The following ADAM29 variants were observed in gnomAD, a reference collection of about 807,000 sequenced individuals.
ADAM29 encodes the protein disintegrin and metalloproteinase domain-containing protein 29.
For synonymous variants in ADAM29, 367 were observed against 342.3 expected (o/e 1.07, Z -0.80); for missense variants, 969 against 1,001.8 (o/e 0.97, Z 0.44).
intron 4 of ADAM29, among the ~76,000 whole-genome samples, chr4:174,951,838 C>T (rs753907530): frequency 1.2e-4 from 18 of 152,100 alleles, no homozygotes; most frequent in African/African-American, 3.9e-4. Context: ...AGTCTTTCTT[C>T]ATTTCATCCC....
rs527246514 is a variant in ADAM29, at chr4:174,938,407, A to G, written c.-181+1394A>G. Among the ~76,000 whole-genome samples the G allele has an allele frequency of 1.2e-3, 187 of 152,206 alleles. 1 individual carries two copies. Among genetic ancestry groups the G allele is most frequent in the Non-Finnish European group, 1.0e-4 (7 of 67,982 alleles). Reference sequence around the variant, plus strand: ...TATTAGAGAAGTAGATGAGCAATTGAGAAGACTTGAGAGTGAAGGGATGCA... The same window carrying G: ...TATTAGAGAAGTAGATGAGCAATTGGGAAGACTTGAGAGTGAAGGGATGCA... On this transcript the variant is annotated intron_variant, in intron 4 of 4. Coordinates refer to ENST00000359240, the MANE Select transcript of ADAM29 (RefSeq NM_014269.4).
At chr4:174,935,120 A>G (rs1323846836) in intron 3 of ADAM29, among the ~76,000 whole-genome samples, 1 of 152,114 alleles carries the variant, frequency 6.6e-6, no homozygotes, top group East Asian at 1.9e-4. Context: ...TTTTACCGAA[A>G]TACCCTAGTT....
intron 4 of ADAM29, among the ~76,000 whole-genome samples, chr4:174,972,647 C>T (rs1746537218): frequency 6.6e-6 from 1 of 152,126 alleles, no homozygotes; most frequent in Non-Finnish European, 1.5e-5. Context: ...TTTCTGCTTG[C>T]TCTGTGCTGA....
In ADAM29 at chr4:174,977,300, G is replaced by T; in HGVS notation, c.1775G>T (p.Gly592Val). The T allele has an allele frequency of 6.2e-7, 1 of 1,613,770 alleles. No individual in the cohort carries two copies. The highest frequency in any genetic ancestry group is 8.5e-7 in the Non-Finnish European group (1 of 1,180,004). Residue 592 changes from glycine (G) to valine (V), a missense_variant, in exon 5 of 5, where the codon GGA becomes GTA. Transcript: ENST00000359240. ...WSTDYHLGMKGPDIGEVKDGT... is the reference protein window; with the variant it reads ...WSTDYHLGMKVPDIGEVKDGT... ...ACTGATTACCATTTGGGGATGAAGGGACCTGATATTGGTGAAGTGAAAGAT... is the reference window on the plus strand; with the variant it reads ...ACTGATTACCATTTGGGGATGAAGGTACCTGATATTGGTGAAGTGAAAGAT...
intron 2 of ADAM29, among the ~76,000 whole-genome samples, chr4:174,925,160 C>T (rs1202811388): frequency 6.6e-6 from 1 of 152,156 alleles, no homozygotes; most frequent in Non-Finnish European, 1.5e-5. Flanking sequence ...AAAGACATGA[C>T]TAATTGTGAT....
chr4:174,938,804 G>T (rs1250042645), intron 4 of ADAM29, among the ~76,000 whole-genome samples: 1 of 152,120 alleles, frequency 6.6e-6, no homozygotes, highest in East Asian at 1.9e-4. Flanking sequence ...CTCCCAAAAT[G>T]TTGGAGTTGA....
At chr4:174,942,770 A>G (rs1278033502) in intron 4 of ADAM29, among the ~76,000 whole-genome samples, 2 of 152,116 alleles carry the variant, frequency 1.3e-5, no homozygotes, top group African/African-American at 4.8e-5. Context: ...GCTTATGCAA[A>G]TTTCTGCAGT....
chr4:174,975,884 T>C lies in ADAM29; in HGVS notation c.359T>C (p.Phe120Ser), dbSNP rs1437668444. 6.2e-7 allele frequency: 1 copy of C among 1,613,610 alleles called. No homozygotes were observed. The highest frequency in any genetic ancestry group is 1.7e-5 in the Admixed American group (1 of 59,922). The change falls in exon 5 of 5, where the codon TTT (phenylalanine) becomes TCT (serine). Residue 120 changes from phenylalanine (F) to serine (S), a missense_variant. Phe to Ser is a radical substitution (Grantham distance 155). Coordinates refer to ENST00000359240, the MANE Select transcript of ADAM29 (RefSeq NM_014269.4). Reference sequence around the variant, plus strand: ...TCCCTGGTTTCCCTCAGTACCTGTTTTGGGGGTTTTCAAGGAATATTACAG... The same window carrying C: ...TCCCTGGTTTCCCTCAGTACCTGTTCTGGGGGTTTTCAAGGAATATTACAG... Reference protein sequence around the residue: ...PESLVSLSTCFGGFQGILQIN... With the variant: ...PESLVSLSTCSGGFQGILQIN...
chr4:174,945,640 T>A (rs1744803212), intron 4 of ADAM29, among the ~76,000 whole-genome samples: 1 of 152,186 alleles, frequency 6.6e-6, no homozygotes, highest in Admixed American at 6.5e-5. Flanking sequence ...TACATTTAAG[T>A]AATTAGTTTA....
intron 4 of ADAM29, among the ~76,000 whole-genome samples, chr4:174,962,417 C>G (rs535665174): frequency 1.3e-5 from 2 of 150,440 alleles, no homozygotes; most frequent in South Asian, 4.2e-4. Context: ...GAGGCTGAGG[C>G]AGGAGAATGG....
At chr4:174,921,056 A>G (rs1255170270) in intron 2 of ADAM29, among the ~76,000 whole-genome samples, 1 of 152,148 alleles carries the variant, frequency 6.6e-6, no homozygotes, top group Non-Finnish European at 1.5e-5. Context: ...AGAATATTAT[A>G]CTATGCCAGT....
intron 1 of ADAM29, among the ~76,000 whole-genome samples, chr4:174,919,561 G>C (rs1418469907): frequency 6.6e-6 from 1 of 152,110 alleles, no homozygotes. Context: ...TCTCTTCCAA[G>C]CTCATTAATG....
chr4:174,946,174 T>A (rs1331005004), intron 4 of ADAM29, among the ~76,000 whole-genome samples: 1 of 152,110 alleles, frequency 6.6e-6, no homozygotes, highest in East Asian at 1.9e-4. Flanking sequence ...CTTTCAGCAG[T>A]GTTATGTAAT....
intron 4 of ADAM29, among the ~76,000 whole-genome samples, chr4:174,952,322 G>A (rs375085324): frequency 6.7e-6 from 1 of 149,530 alleles, no homozygotes; most frequent in Admixed American, 6.7e-5. Flanking sequence ...CCTCATGAAG[G>A]TCAAAATTTA....
chr4:174,955,213 G>C (rs1184705451), intron 4 of ADAM29, among the ~76,000 whole-genome samples: 1 of 151,888 alleles, frequency 6.6e-6, no homozygotes, highest in Admixed American at 6.6e-5. Context: ...ACATATTTTT[G>C]AGCTGAATGT....
chr4:174,976,838 C>T lies in ADAM29; in HGVS notation c.1313C>T (p.Ala438Val), dbSNP rs373133451. ...ACTCTGACTGATGGTTCTACTTGTGCTTTTGGGCTTTGTTGCAAAGACTGC... is the reference window on the plus strand; with the variant it reads ...ACTCTGACTGATGGTTCTACTTGTGTTTTTGGGCTTTGTTGCAAAGACTGC... ...NCTLTDGSTC[A>V]FGLCCKDCKF... Residue 438 changes from alanine (A) to valine (V), a missense_variant, in exon 5 of 5, where the codon GCT (alanine) becomes GTT (valine). Coordinates refer to ENST00000359240, the MANE Select transcript of ADAM29 (RefSeq NM_014269.4). 232 of 1,614,128 alleles carry T rather than the reference C, an allele frequency of 1.4e-4. 6 individuals carry two copies. In the South Asian group the frequency reaches 2.5e-3, roughly 17 times the overall value.
At chr4:174,963,649 C>A (rs185151111) in intron 4 of ADAM29, among the ~76,000 whole-genome samples, 164 of 151,996 alleles carry the variant, frequency 1.1e-3, no homozygotes, top group Non-Finnish European at 1.4e-3. Flanking sequence ...CTGACAGAAA[C>A]AGAATGAAAA....
chr4:174,977,414 G>T lies in ADAM29; in HGVS notation c.1889G>T (p.Cys630Phe). ...AATAGTAATTGCTCACCTGCATTTT[G>T]TAACAAGAGGGGCATCTGCAACAAT... ...ILNSNCSPAF[C>F]NKRGICNNKH... Residue 630 changes from cysteine (C) to phenylalanine (F), a missense_variant, in exon 5 of 5, where the codon TGT (cysteine) becomes TTT (phenylalanine). Transcript: ENST00000359240. 1 of 1,613,898 alleles carries T rather than the reference G, an allele frequency of 6.2e-7. No homozygotes were observed. The highest frequency in any genetic ancestry group is 1.1e-5 in the South Asian group (1 of 91,024).
intron 4 of ADAM29, among the ~76,000 whole-genome samples, chr4:174,940,443 G>A (rs759453657): frequency 2.0e-5 from 3 of 152,090 alleles, no homozygotes; most frequent in Non-Finnish European, 4.4e-5. Context: ...AGTCCCTAAT[G>A]TTATAATTAA....
Sources: allele counts gnomAD v4.1 joint callset (sites outside exome capture counted in the v4.1 genomes callset), GRCh38; gene constraint gnomAD v4.1.1; transcripts MANE v1.5; gene names NCBI Gene and HGNC (gene_info 2026-07-23, HGNC 2026-07-21).